The following NCOA3 variants were observed in gnomAD, a reference collection of about 807,000 sequenced individuals.
The protein encoded by NCOA3 is CBP-interacting protein.
A neutral mutation model predicts 158.8 loss-of-function variants in NCOA3; 51 were observed. That is an observed-to-expected ratio of 0.32 (90% CI 0.26 to 0.41). The LOEUF is 0.41. NCOA3 is among the 10% of genes least tolerant of loss of function. The pLI is 1.00. For synonymous variants in NCOA3, 537 were observed against 592.4 expected (o/e 0.91, Z 1.36); for missense variants, 1,510 against 1,746.6 (o/e 0.86, Z 2.41).
chr20:47,603,334 C>T (rs180708679), intron 2 of NCOA3, among the ~76,000 whole-genome samples: 10 of 152,350 alleles, frequency 6.6e-5, no homozygotes, highest in East Asian at 5.8e-4. Flanking sequence ...TCATCTGTTC[C>T]GTGCTCTCAA....
chr20:47,649,153 G>C, intron 19 of NCOA3, 44 bp downstream of exon 19: 2 of 1,290,966 alleles, frequency 1.5e-6, no homozygotes, highest in Non-Finnish European at 2.2e-6. Flanking sequence ...CTGTGCTCAG[G>C]ACAGGGCTTG....
chr20:47,506,231 T>TA (rs895783011), intron 1 of NCOA3, among the ~76,000 whole-genome samples: 2 of 152,206 alleles, frequency 1.3e-5, no homozygotes, highest in African/African-American at 4.8e-5. Flanking sequence ...GTCATGTTTT[T>TA]ACTAGGTAAA....
rs763391330 is a variant in NCOA3, at chr20:47,652,971, G to A, written c.4162G>A (p.Ala1388Thr). 3 of 1,614,100 alleles carry A rather than the reference G, an allele frequency of 1.9e-6. No homozygotes were observed. Among genetic ancestry groups the A allele is most frequent in the African/African-American group, 2.7e-5 (2 of 74,928 alleles). Residue 1388 changes from alanine to threonine, a missense_variant, in exon 22 of 23, where the codon GCA becomes ACA. Ala to Thr is a moderately conservative substitution (Grantham distance 58). This residue lies in a region of NCOA3 where 180 missense variants were observed against 199.3 expected (regional missense o/e 0.90). Transcript: ENST00000371998. ...GCAGTTTGCCCACCAGGGGAATCCT[G>A]CAGTGTATAGTATGGTGCACATGAA... ...QQQFAHQGNP[A>T]VYSMVHMNGS...
rs547669428 is a variant in NCOA3, at chr20:47,533,257, T to A, written c.-99+31238T>A. On this transcript the variant is annotated intron_variant, in intron 1 of 22. Transcript: ENST00000371998. Reference sequence around the variant, plus strand: ...CTGAGAACACACCACTGCATTCCAGTCTAGGTGACAGAGCCAGGTTCCGTC... The same window carrying A: ...CTGAGAACACACCACTGCATTCCAGACTAGGTGACAGAGCCAGGTTCCGTC... Among the ~76,000 whole-genome samples the A allele has an allele frequency of 2.1e-3, 292 of 140,238 alleles. 2 individuals are homozygous for A. The highest frequency in any genetic ancestry group is 9.0e-3 in the South Asian group (40 of 4,428). The allele number at this position is 140,238 out of a possible 152,430, so 92.0% of individuals were successfully genotyped here.
chr20:47,525,529 ACCT>A (rs1568654293), intron 1 of NCOA3, among the ~76,000 whole-genome samples: 1 of 144,282 alleles, frequency 6.9e-6, no homozygotes, highest in South Asian at 2.3e-4. Context: ...GGCGCCCCTC[ACCT>A]CCTGGACGGG....
intron 1 of NCOA3, among the ~76,000 whole-genome samples, chr20:47,507,768 G>A (rs1037334553): frequency 9.2e-5 from 14 of 152,016 alleles, no homozygotes; most frequent in Non-Finnish European, 1.8e-4. Context: ...ACAGGCATGT[G>A]CCACTACACC....
chr20:47,548,574 T>TA (rs994310236), intron 1 of NCOA3, among the ~76,000 whole-genome samples: 24 of 149,302 alleles, frequency 1.6e-4, no homozygotes, highest in South Asian at 8.4e-4. Context: ...AAATAAAAAT[T>TA]AAAAAAAAAT....
intron 1 of NCOA3, among the ~76,000 whole-genome samples, chr20:47,505,701 C>T (rs533452373): frequency 1.2e-4 from 18 of 151,568 alleles, no homozygotes; most frequent in Admixed American, 9.9e-4. Context: ...ATTTTTTTCT[C>T]ATACTTCAAA....
At chr20:47,594,664 CAAAAAAAA>C (rs377014290) in intron 2 of NCOA3, among the ~76,000 whole-genome samples, 34 of 72,934 alleles carry the variant, frequency 4.7e-4, no homozygotes, top group Non-Finnish European at 7.6e-4. Context: ...GACTCTGTCT[CAAAAAAAA>C]AAAAAAAAAA....
intron 2 of NCOA3, among the ~76,000 whole-genome samples, chr20:47,611,322 G>A (rs529946975): frequency 6.6e-6 from 1 of 152,140 alleles, no homozygotes; most frequent in Admixed American, 6.5e-5. Context: ...ACCTTAGCAT[G>A]GCTAAAACCC....
chr20:47,565,657 C>T (rs1461694193), intron 1 of NCOA3, among the ~76,000 whole-genome samples: 2 of 152,050 alleles, frequency 1.3e-5, no homozygotes, highest in Non-Finnish European at 2.9e-5. Flanking sequence ...CAGAGGTTGC[C>T]TTGAGCTCTG....
intron 2 of NCOA3, among the ~76,000 whole-genome samples, chr20:47,593,857 T>A (rs914163422): frequency 2.6e-5 from 4 of 152,188 alleles, no homozygotes; most frequent in African/African-American, 9.7e-5. Context: ...AAAGAATTAC[T>A]GGCATAAGAA....
chr20:47,638,429 C>G (rs187253366), intron 13 of NCOA3, among the ~76,000 whole-genome samples: 3 of 152,076 alleles, frequency 2.0e-5, no homozygotes, highest in African/African-American at 7.2e-5. Context: ...GACAGAAAAA[C>G]AAAGATATAT....
chr20:47,511,554 T>TATATATATATACACACACACATAC (rs1231372303), intron 1 of NCOA3, among the ~76,000 whole-genome samples: 1 of 31,070 alleles, frequency 3.2e-5, no homozygotes, highest in Non-Finnish European at 1.0e-4. Context: ...TATATATATA[T>TATATATATATACACACACACATAC]ATTTCTTTTT....
At chr20:47,512,261 A>T (rs2084155525) in intron 1 of NCOA3, among the ~76,000 whole-genome samples, 1 of 152,164 alleles carries the variant, frequency 6.6e-6, no homozygotes, top group African/African-American at 2.4e-5. Flanking sequence ...TAAGATAAAA[A>T]CAATCCAACT....
In NCOA3 at chr20:47,642,351, C is replaced by T; in HGVS notation, c.3219C>T (p.Asp1073=). 3 of 1,609,766 alleles carry T rather than the reference C, an allele frequency of 1.9e-6. No homozygotes were observed. The highest frequency in any genetic ancestry group is 1.7e-4 in the Middle Eastern group (1 of 6,046). The change falls in exon 17 of 23, where the codon GAC becomes GAT. Residue 1073 remains aspartate (D), a synonymous_variant. Coordinates refer to ENST00000371998, the MANE Select transcript of NCOA3 (RefSeq NM_181659.3). ...NTDATGLEEI[D]RALGIPELVN... Reference sequence around the variant, plus strand: ...ATGCCACAGGCCTGGAAGAAATTGACAGAGCTTTGGGCATTCCTGAACTTG... The same window carrying T: ...ATGCCACAGGCCTGGAAGAAATTGATAGAGCTTTGGGCATTCCTGAACTTG...
At chr20:47,521,894 A>G (rs549408324) in intron 1 of NCOA3, among the ~76,000 whole-genome samples, 9 of 152,190 alleles carry the variant, frequency 5.9e-5, no homozygotes, top group African/African-American at 1.9e-4. Flanking sequence ...GCATTTCCAT[A>G]TAATTGCTAG....
At position 47,653,619 on chromosome 20, in the gene NCOA3, CCTT is replaced by C; in HGVS notation, c.*205_*207del. The C allele has an allele frequency of 1.5e-6, 1 of 648,106 alleles. No homozygotes were observed. Among genetic ancestry groups the C allele is most frequent in the Non-Finnish European group, 2.7e-6 (1 of 368,994 alleles). The allele number at this position is 648,106 out of a possible 1,614,324, so 40.1% of individuals were successfully genotyped here. ...CAATATCTACGTGTTTTTCCCCCCT[CCTT>C]CTGCTGTGTATCATGGTGTTCAAAA... On this transcript the variant is annotated 3_prime_UTR_variant, in exon 23 of 23. Transcript: ENST00000371998.
intron 2 of NCOA3, among the ~76,000 whole-genome samples, chr20:47,606,687 G>A (rs1441759650): frequency 6.6e-6 from 1 of 152,178 alleles, no homozygotes; most frequent in African/African-American, 2.4e-5. Context: ...AAGCACTTGC[G>A]CAGTTTGCGT....
Sources: allele counts gnomAD v4.1 joint callset (sites outside exome capture counted in the v4.1 genomes callset), GRCh38; gene constraint gnomAD v4.1.1; regional missense constraint gnomAD v4.1.1; transcripts MANE v1.5; gene names NCBI Gene and HGNC (gene_info 2026-07-23, HGNC 2026-07-21).